WWOX: variants seen among roughly 807,000 people sequenced by gnomAD.
WWOX encodes the protein WW domain-containing oxidoreductase.
In WWOX, 69 loss-of-function variants were observed where a neutral mutation model predicts 46.2. The ratio of observed to expected loss-of-function variants is 1.49; its 90% CI spans 1.23 to 1.82. WWOX has a LOEUF of 1.82. WWOX is among the 40% of genes most tolerant of loss of function. WWOX has a pLI of 0.00. For synonymous variants in WWOX, 359 were observed against 202.6 expected (o/e 1.77, Z -6.56); for missense variants, 919 against 542.6 (o/e 1.69, Z -6.89).
intron 8 of WWOX, among the ~76,000 whole-genome samples, chr16:78,666,075 A>C (rs1038870107): frequency 6.6e-6 from 1 of 151,948 alleles, no homozygotes; most frequent in African/African-American, 2.4e-5. Context: ...GCTTGAAGCC[A>C]GGAGTTTGAG....
chr16:78,698,648 G>T (rs377351303), intron 8 of WWOX, among the ~76,000 whole-genome samples: 5 of 152,222 alleles, frequency 3.3e-5, no homozygotes, highest in African/African-American at 1.2e-4. Context: ...AACTTCCCAA[G>T]AATGTAATTT....
At chr16:78,785,961 C>T (rs2050445751) in intron 8 of WWOX, among the ~76,000 whole-genome samples, 1 of 152,130 alleles carries the variant, frequency 6.6e-6, no homozygotes, top group African/African-American at 2.4e-5. Flanking sequence ...GGCTGGAGTG[C>T]AGTGGCGCGA....
intron 5 of WWOX, among the ~76,000 whole-genome samples, chr16:78,242,505 T>A (rs184246165): frequency 1.9e-4 from 29 of 152,304 alleles, no homozygotes; most frequent in African/African-American, 5.3e-4. Flanking sequence ...GGAGTTTTCT[T>A]CGTGGTCTGA....
At chr16:78,750,035 C>T (rs779062744) in intron 8 of WWOX, among the ~76,000 whole-genome samples, 1 of 152,074 alleles carries the variant, frequency 6.6e-6, no homozygotes, top group Non-Finnish European at 1.5e-5. Flanking sequence ...TAGACTCTAT[C>T]AGGGAAAAAT....
intron 8 of WWOX, among the ~76,000 whole-genome samples, chr16:78,517,735 C>G (rs2043266875): frequency 6.6e-6 from 1 of 151,354 alleles, no homozygotes; most frequent in Admixed American, 6.6e-5. Flanking sequence ...TTAAACTAAA[C>G]ACATGTCACG....
chr16:78,597,897 G>A (rs2859631), intron 8 of WWOX, among the ~76,000 whole-genome samples: 141,457 of 151,988 alleles, frequency 0.93, 66,265 homozygotes, highest in East Asian at 1. Context: ...TATCATATCA[G>A]AGCCTTTTCA....
intron 8 of WWOX, among the ~76,000 whole-genome samples, chr16:79,160,491 A>G (rs1397664996): frequency 2.0e-5 from 3 of 152,226 alleles, no homozygotes; most frequent in Non-Finnish European, 1.5e-5. Flanking sequence ...AGAGCCGATC[A>G]TAGGACTGCT....
At chr16:78,492,324 C>T (rs1004672116) in intron 8 of WWOX, among the ~76,000 whole-genome samples, 12 of 152,190 alleles carry the variant, frequency 7.9e-5, no homozygotes, top group African/African-American at 2.2e-4. Flanking sequence ...TTTCTATCTG[C>T]TAGCAAAGTG....
At chr16:78,549,282 T>A (rs1221383391) in intron 8 of WWOX, among the ~76,000 whole-genome samples, 2 of 152,232 alleles carry the variant, frequency 1.3e-5, no homozygotes, top group Non-Finnish European at 2.9e-5. Context: ...CTCAGATATA[T>A]AAAGCTTATT....
chr16:78,742,249 C>G (rs540199196), intron 8 of WWOX, among the ~76,000 whole-genome samples: 1 of 152,134 alleles, frequency 6.6e-6, no homozygotes, highest in Non-Finnish European at 1.5e-5. Flanking sequence ...TGATAATAGT[C>G]CATGATCAAG....
chr16:78,152,123 G>C (rs968681315), intron 4 of WWOX, among the ~76,000 whole-genome samples: 2 of 151,788 alleles, frequency 1.3e-5, no homozygotes, highest in Non-Finnish European at 2.9e-5. Context: ...CCGGGAGGCG[G>C]AGCTTGAAGT....
chr16:78,990,847 C>T (rs2046873687), intron 8 of WWOX, among the ~76,000 whole-genome samples: 1 of 152,148 alleles, frequency 6.6e-6, no homozygotes, highest in Non-Finnish European at 1.5e-5. Context: ...TCTCTGTGTT[C>T]ACTTGGCATT....
At chr16:79,173,886 T>C (rs1335379700) in intron 8 of WWOX, among the ~76,000 whole-genome samples, 1 of 152,220 alleles carries the variant, frequency 6.6e-6, no homozygotes, top group Non-Finnish European at 1.5e-5. Flanking sequence ...CGGTGGGTGA[T>C]ATATTATCTA....
At chr16:78,643,961 G>A (rs1013598616) in intron 8 of WWOX, among the ~76,000 whole-genome samples, 2 of 152,232 alleles carry the variant, frequency 1.3e-5, no homozygotes, top group South Asian at 2.1e-4. Context: ...GGTGGCTCAC[G>A]CCTGTAATCC....
chr16:79,048,807 C>T (rs1334241087), intron 8 of WWOX, among the ~76,000 whole-genome samples: 1 of 152,168 alleles, frequency 6.6e-6, no homozygotes, highest in East Asian at 1.9e-4. Flanking sequence ...ATTCAAGTGC[C>T]ACACAGTGGT....
chr16:78,589,513 G>A (rs2045301597), intron 8 of WWOX, among the ~76,000 whole-genome samples: 5 of 152,130 alleles, frequency 3.3e-5, no homozygotes, highest in Admixed American at 6.6e-5. Context: ...CCTGCCCATG[G>A]CACTCAAGAG....
intron 8 of WWOX, among the ~76,000 whole-genome samples, chr16:79,207,917 G>T (rs999292884): frequency 6.6e-6 from 1 of 152,054 alleles, no homozygotes; most frequent in African/African-American, 2.4e-5. Context: ...AATGAATGTT[G>T]ATGAAAAGCA....
intron 8 of WWOX, among the ~76,000 whole-genome samples, chr16:78,959,784 A>G (rs554538358): frequency 8.5e-5 from 13 of 152,326 alleles, no homozygotes; most frequent in African/African-American, 2.4e-4. Context: ...AGTGAGGGAA[A>G]GATGTCCTCT....
intron 5 of WWOX, among the ~76,000 whole-genome samples, chr16:78,176,630 T>C (rs1196915225): frequency 6.6e-6 from 1 of 152,216 alleles, no homozygotes. Flanking sequence ...TTATGGCACT[T>C]TGACAGCCCT....
Sources: gnomAD v4.1 joint callset for allele counts (sites outside exome capture counted in the v4.1 genomes callset) on GRCh38, gnomAD v4.1.1 for gene constraint, MANE v1.5 for transcripts, NCBI Gene and HGNC (gene_info 2026-07-23, HGNC 2026-07-21) for gene names.